TUSC3: variants seen among roughly 807,000 people sequenced by gnomAD.
The protein encoded by TUSC3 is tumor suppressor candidate 3.
In TUSC3, 45 loss-of-function variants were observed where a neutral mutation model predicts 44.8. The ratio of observed to expected loss-of-function variants is 1.00; its 90% CI spans 0.79 to 1.29. The LOEUF is 1.29. Ranked by LOEUF, TUSC3 falls within the 50% of genes most tolerant of loss-of-function variation. The pLI is 0.00. For missense variants in TUSC3, 519 were observed against 437.9 expected (o/e 1.19, Z -1.65); for synonymous variants, 212 against 152.9 (o/e 1.39, Z -2.85).
chr8:15,628,590 C>G (rs1585169911), intron 2 of TUSC3, among the ~76,000 whole-genome samples: 2 of 152,054 alleles, frequency 1.3e-5, no homozygotes. Flanking sequence ...AAGTTAAAAT[C>G]TATTGTGCAA....
rs1808555977 is a variant in TUSC3, at chr8:15,684,674, G to GTCT, written c.798+10842_798+10844dup. On this transcript the variant is annotated intron_variant, in intron 6 of 10. Coordinates refer to ENST00000503731, the MANE Select transcript of TUSC3 (RefSeq NM_006765.4). ...TGTCAGCACATGAGCCCATGCCACA[G>GTCT]TCTTCTCTGTGTTCTGAGATTGAGG... Among the ~76,000 whole-genome samples the GTCT allele has an allele frequency of 2.6e-5, 4 of 152,272 alleles. No individual in the cohort carries two copies. The South Asian group carries it at 8.3e-4, about 32-fold the overall frequency.
At chr8:15,847,476 T>C in the TUSC3 span, among the ~76,000 whole-genome samples, 13 of 152,190 alleles carry the variant, frequency 8.5e-5, no homozygotes, top group African/African-American at 3.1e-4. Context: ...CCACTGTGCT[T>C]GACTGGGCTC....
At chr8:15,523,359 C>G (rs886473422) in intron 2 of TUSC3, among the ~76,000 whole-genome samples, 1 of 151,972 alleles carries the variant, frequency 6.6e-6, no homozygotes, top group Non-Finnish European at 1.5e-5. Flanking sequence ...GAGGTATATA[C>G]CATTTCCCAC....
intron 1 of TUSC3, among the ~76,000 whole-genome samples, chr8:15,554,664 G>A (rs1290406156): frequency 2.8e-5 from 4 of 145,190 alleles, no homozygotes; most frequent in South Asian, 2.2e-4. Flanking sequence ...GTGCAGTGGC[G>A]TGATTTCAGC....
chr8:15,689,821 G>GGTGTGT (rs71543657), intron 6 of TUSC3, among the ~76,000 whole-genome samples: 1,508 of 131,014 alleles, frequency 0.012, 12 homozygotes, highest in Middle Eastern at 0.028. Context: ...AATAGTCCAT[G>GGTGTGT]GTGTGTGTGT....
intron 2 of TUSC3, among the ~76,000 whole-genome samples, chr8:15,640,881 C>G (rs1585182840): frequency 6.6e-6 from 1 of 152,208 alleles, no homozygotes; most frequent in East Asian, 1.9e-4. Context: ...CTGGTTTTTC[C>G]TGTTAATCTG....
chr8:15,632,151 G>A (rs79871556), intron 2 of TUSC3, among the ~76,000 whole-genome samples: 105 of 152,180 alleles, frequency 6.9e-4, no homozygotes, highest in African/African-American at 2.4e-3. Flanking sequence ...GCACCCCCAT[G>A]CCATGTGAGA....
chr8:15,483,009 A>G (rs1331855387), intron 1 of TUSC3, among the ~76,000 whole-genome samples: 2 of 152,182 alleles, frequency 1.3e-5, no homozygotes, highest in Non-Finnish European at 2.9e-5. Context: ...AAGAATGATA[A>G]TTTAACAGTC....
chr8:15,689,839 TG>T (rs1281684588), intron 6 of TUSC3, among the ~76,000 whole-genome samples: 2 of 61,592 alleles, frequency 3.2e-5, no homozygotes, highest in African/African-American at 1.2e-4. Flanking sequence ...TGTGTGTGTG[TG>T]TGTGTGTGTG....
intron 2 of TUSC3, among the ~76,000 whole-genome samples, chr8:15,509,279 C>T (rs1179644563): frequency 6.6e-6 from 1 of 152,126 alleles, no homozygotes; most frequent in Non-Finnish European, 1.5e-5. Flanking sequence ...AGTTAGTTTC[C>T]TTAACTTTTT....
chr8:15,428,720 G>A (rs1391514727), intron 1 of TUSC3, among the ~76,000 whole-genome samples: 4 of 152,220 alleles, frequency 2.6e-5, no homozygotes, highest in Admixed American at 2.6e-4. Context: ...GTGATGGCCA[G>A]TGATGATGAG....
chr8:15,790,227 C>T, the TUSC3 span, among the ~76,000 whole-genome samples: 1 of 126,750 alleles, frequency 7.9e-6, no homozygotes, highest in South Asian at 2.6e-4. Context: ...TGCTCTGTCA[C>T]CAGGCTGGAG....
At chr8:15,652,252 T>C (rs1340531885) in intron 3 of TUSC3, among the ~76,000 whole-genome samples, 1 of 152,258 alleles carries the variant, frequency 6.6e-6, no homozygotes, top group African/African-American at 2.4e-5. Flanking sequence ...TGGAAAAGCA[T>C]GCAGTTCTGT....
intron 2 of TUSC3, among the ~76,000 whole-genome samples, chr8:15,494,134 T>G (rs2129126103): frequency 6.6e-6 from 1 of 152,332 alleles, no homozygotes; most frequent in Middle Eastern, 3.4e-3. Flanking sequence ...CCTCACAGTC[T>G]TTATTTGGCT....
At chr8:15,684,440 G>T in intron 6 of TUSC3, among the ~76,000 whole-genome samples, 1 of 152,138 alleles carries the variant, frequency 6.6e-6, no homozygotes. Context: ...AGCCCAAGAG[G>T]CTTGAGTTCT....
intron 1 of TUSC3, among the ~76,000 whole-genome samples, chr8:15,584,130 A>G (rs1803496900): frequency 6.6e-6 from 1 of 152,150 alleles, no homozygotes; most frequent in African/African-American, 2.4e-5. Flanking sequence ...TTGATGTTAA[A>G]CTTGTTAAAG....
chr8:15,795,543 TC>T, the TUSC3 span, among the ~76,000 whole-genome samples: 3 of 152,178 alleles, frequency 2.0e-5, no homozygotes, highest in Non-Finnish European at 4.4e-5. Flanking sequence ...TTTGGAGGGA[TC>T]TTTGAGGTCA....
intron 1 of TUSC3, among the ~76,000 whole-genome samples, chr8:15,606,210 A>G (rs1405573500): frequency 2.6e-5 from 4 of 152,034 alleles, no homozygotes; most frequent in Non-Finnish European, 5.9e-5. Context: ...TTTTAAACAG[A>G]TGATTCATCT....
At chr8:15,621,482 A>C (rs1169306684) in intron 1 of TUSC3, among the ~76,000 whole-genome samples, 2 of 142,096 alleles carry the variant, frequency 1.4e-5, no homozygotes, top group Non-Finnish European at 3.1e-5. Flanking sequence ...TTTACTTTGG[A>C]AATATATATC....
Sources: gnomAD v4.1 joint callset for allele counts (sites outside exome capture counted in the v4.1 genomes callset) on GRCh38, gnomAD v4.1.1 for gene constraint, MANE v1.5 for transcripts, NCBI Gene and HGNC (gene_info 2026-07-23, HGNC 2026-07-21) for gene names.